RAB30: variants seen among roughly 807,000 people sequenced by gnomAD.
The protein encoded by RAB30 is ras-related protein Rab-30.
A neutral mutation model predicts 25.1 loss-of-function variants in RAB30; 9 were observed. The observed-to-expected ratio is 0.36, with a 90% CI of 0.22 to 0.63. The LOEUF (loss-of-function observed/expected upper bound fraction) is 0.63, where lower values mean the gene tolerates loss of function less well. Among genes scored for constraint, RAB30 ranks in the 20% least tolerant of loss-of-function variants. The pLI is 0.69. For missense variants in RAB30, 140 were observed against 243.5 expected (o/e 0.58, Z 2.83); for synonymous variants, 77 against 86.4 (o/e 0.89, Z 0.60).
intron 1 of RAB30, chr11:83,071,417 T>TCCCAG: frequency 6.6e-6 from 1 of 152,038 alleles, no homozygotes; most frequent in East Asian, 1.9e-4. Context: ...CCAACATCCT[T>TCCCAG]CCCAGCCCAG....
chr11:83,059,801 A>G (rs923890854), intron 1 of RAB30, among the ~76,000 whole-genome samples: 2 of 152,382 alleles, frequency 1.3e-5, no homozygotes, highest in East Asian at 3.9e-4. Flanking sequence ...GACAATTTGA[A>G]TATCAGAAAG....
intron 1 of RAB30, among the ~76,000 whole-genome samples, chr11:83,017,924 T>A (rs1023373914): frequency 6.6e-6 from 1 of 152,240 alleles, no homozygotes; most frequent in Non-Finnish European, 1.5e-5. Context: ...CAAATGGTAG[T>A]TCTACTTTTA....
intron 1 of RAB30, among the ~76,000 whole-genome samples, chr11:83,023,395 G>C (rs1012308404): frequency 3.9e-5 from 6 of 152,170 alleles, no homozygotes; most frequent in African/African-American, 9.7e-5. Context: ...GTTGGTTAAG[G>C]GAAGAAGAGG....
At chr11:83,054,551 TAAC>T (rs1267712821) in intron 1 of RAB30, among the ~76,000 whole-genome samples, 2 of 151,820 alleles carry the variant, frequency 1.3e-5, no homozygotes, top group African/African-American at 2.4e-5. Flanking sequence ...AAAACAACAT[TAAC>T]AACAACAACA....
chr11:83,070,947 T>C (rs1858827592), intron 1 of RAB30, among the ~76,000 whole-genome samples: 1 of 152,236 alleles, frequency 6.6e-6, no homozygotes. Flanking sequence ...AAAGAGCCTA[T>C]GCAATGTAAT....
intron 4 of RAB30, among the ~76,000 whole-genome samples, chr11:82,986,044 C>A (rs1856733537): frequency 6.6e-6 from 1 of 152,060 alleles, no homozygotes; most frequent in Non-Finnish European, 1.5e-5. Flanking sequence ...ATGAGTCGAT[C>A]AGGGAAATTT....
chr11:83,054,238 A>G (rs1016104537), intron 1 of RAB30, among the ~76,000 whole-genome samples: 2 of 152,214 alleles, frequency 1.3e-5, no homozygotes, highest in Non-Finnish European at 2.9e-5. Context: ...TCTATGCTCC[A>G]GTAGTTATCT....
rs566303393 is a variant in RAB30 at position 82,994,852 on chromosome 11, G to A, written c.94-730C>T. 5.3e-5 allele frequency among the ~76,000 whole-genome samples: 8 copies of A among 152,246 alleles called. No individual in the cohort carries two copies. In the South Asian group the frequency reaches 1.7e-3, roughly 32 times the overall value. ...TAGGGTAGAAACAGCACTAAACCAG[G>A]AGGCAGCAGCCTTAGGATCTCTGTG... On this transcript the variant is annotated intron_variant, in intron 2 of 4. Transcript: ENST00000527633.
intron 1 of RAB30, among the ~76,000 whole-genome samples, chr11:83,044,508 G>A (rs1032951867): frequency 5.3e-5 from 8 of 152,188 alleles, no homozygotes; most frequent in East Asian, 3.9e-4. Flanking sequence ...AGTAATCCAG[G>A]TAGGAAGATT....
At chr11:83,025,691 A>G (rs1857694798) in intron 1 of RAB30, among the ~76,000 whole-genome samples, 2 of 152,360 alleles carry the variant, frequency 1.3e-5, no homozygotes, top group Non-Finnish European at 2.9e-5. Flanking sequence ...GTAATGCAGC[A>G]AAGTGCAAGC....
intron 1 of RAB30, among the ~76,000 whole-genome samples, chr11:83,049,517 G>A (rs1298408240): frequency 6.6e-6 from 1 of 151,278 alleles, no homozygotes; most frequent in Non-Finnish European, 1.5e-5. Flanking sequence ...GTCTCACTCT[G>A]TTGCCCAGGC....
At chr11:83,067,641 C>G (rs1757784344) in intron 1 of RAB30, among the ~76,000 whole-genome samples, 1 of 152,190 alleles carries the variant, frequency 6.6e-6, no homozygotes, top group Admixed American at 6.5e-5. Flanking sequence ...TCATGACTCC[C>G]TTTTCTCCCT....
At chr11:83,038,828 A>G (rs1858043528) in intron 1 of RAB30, 1 of 152,054 alleles carries the variant, frequency 6.6e-6, no homozygotes, top group African/African-American at 2.4e-5. Flanking sequence ...TCTCAAAAAA[A>G]ATAAAAAAAA....
At chr11:82,983,762 A>AAGATAC (rs1856686751) in intron 4 of RAB30, among the ~76,000 whole-genome samples, 2 of 152,184 alleles carry the variant, frequency 1.3e-5, no homozygotes, top group East Asian at 3.9e-4. Context: ...CAAGGTGCTT[A>AAGATAC]AGATACAGTA....
At chr11:83,033,122 C>T (rs532189374) in intron 1 of RAB30, among the ~76,000 whole-genome samples, 6 of 133,232 alleles carry the variant, frequency 4.5e-5, no homozygotes, top group South Asian at 4.9e-4. Context: ...TGGAATGCAA[C>T]GGCATGACCT....
At chr11:83,062,320 C>G (rs1039077793) in intron 1 of RAB30, among the ~76,000 whole-genome samples, 1 of 152,170 alleles carries the variant, frequency 6.6e-6, no homozygotes, top group African/African-American at 2.4e-5. Flanking sequence ...CACAATACAA[C>G]TTTGTAGAGC....
intron 1 of RAB30, among the ~76,000 whole-genome samples, chr11:83,047,047 C>A (rs1053888886): frequency 6.6e-6 from 1 of 152,194 alleles, no homozygotes; most frequent in Non-Finnish European, 1.5e-5. Context: ...ATACCAAAGG[C>A]ACAACAGGAA....
Position 82,977,432 on chromosome 11 carries a change from A to T in RAB30, c.*4733T>A, listed in dbSNP as rs1264403982. The stretch of plus-strand genomic sequence containing the variant: ...AGGCAAAGTACTACATACAACATGG[A>T]ATTTAGGTTAATAGGTCACCTGCTC... On this transcript the variant is annotated 3_prime_UTR_variant, in exon 5 of 5. Transcript: ENST00000527633. 1 of 152,198 alleles carries T rather than the reference A, an allele frequency of 6.6e-6. No homozygotes were observed. The highest frequency in any genetic ancestry group is 1.5e-5 in the Non-Finnish European group (1 of 68,028). 9.4% of individuals were successfully genotyped at this position (152,198 alleles called of 1,614,324 possible).
chr11:83,017,336 T>A (rs1857460574), intron 1 of RAB30, among the ~76,000 whole-genome samples: 1 of 152,146 alleles, frequency 6.6e-6, no homozygotes, highest in South Asian at 2.1e-4. Flanking sequence ...AGACCCTGTA[T>A]CAAAATAATA....
Sources: allele counts gnomAD v4.1 joint callset (sites outside exome capture counted in the v4.1 genomes callset), GRCh38; gene constraint gnomAD v4.1.1; transcripts MANE v1.5; gene names NCBI Gene and HGNC (gene_info 2026-07-23, HGNC 2026-07-21).